CPA6: variants seen among roughly 807,000 people sequenced by gnomAD.
The protein encoded by CPA6 is carboxypeptidase A6, also known as carboxypeptidase B.
In CPA6, 58 loss-of-function variants were observed where a neutral mutation model predicts 63.3. The ratio of observed to expected loss-of-function variants is 0.92; its 90% CI spans 0.74 to 1.14. The LOEUF (loss-of-function observed/expected upper bound fraction) is 1.14, where lower values mean the gene tolerates loss of function less well. CPA6 is among the 50% of genes most tolerant of loss of function. The pLI, the probability that CPA6 is intolerant of heterozygous loss-of-function variation, is 0.00. For synonymous variants in CPA6, 185 were observed against 179.0 expected, an observed-to-expected ratio of 1.03 and a Z score of -0.27; for missense variants, 565 against 526.6, an observed-to-expected ratio of 1.07 and a Z score of -0.71.
rs533142694 is a variant in CPA6 at position 67,428,065 on chromosome 8, G to A, written c.1108C>T (p.Pro370Ser). 8.7e-6 allele frequency: 14 copies of A among 1,611,410 alleles called. No individual in the cohort carries two copies. In the South Asian group the frequency reaches 1.3e-4, roughly 15 times the overall value. ...SVYGVRYRYG[P>S]ASTTLYVSSG... ...AACTTACACAACGTTGTGGAGGCTG[G>A]TCCATATCTGTATCGTACCCCGTAT... The change falls in exon 10 of 11, where the codon CCA becomes TCA. Residue 370 changes from proline to serine, a missense_variant. Coordinates refer to ENST00000297770, the MANE Select transcript of CPA6 (RefSeq NM_020361.5).
chr8:67,427,244 C>G (rs374660355), intron 10 of CPA6, among the ~76,000 whole-genome samples: 2 of 152,072 alleles, frequency 1.3e-5, no homozygotes, highest in African/African-American at 4.8e-5. Context: ...TTTTACATAC[C>G]CCCTATTTAT....
intron 1 of CPA6, among the ~76,000 whole-genome samples, chr8:67,666,174 C>T (rs1209549187): frequency 6.6e-6 from 1 of 152,202 alleles, no homozygotes; most frequent in African/African-American, 2.4e-5. Flanking sequence ...CTTGCTGAGA[C>T]ACAGGTGATG....
intron 1 of CPA6, among the ~76,000 whole-genome samples, chr8:67,631,949 A>G (rs1815343315): frequency 6.6e-6 from 1 of 152,156 alleles, no homozygotes; most frequent in Non-Finnish European, 1.5e-5. Flanking sequence ...ATGTCCGAAC[A>G]TCAGAAGGAA....
chr8:67,528,399 T>G (rs1211824067), intron 2 of CPA6, among the ~76,000 whole-genome samples: 1 of 152,138 alleles, frequency 6.6e-6, no homozygotes, highest in East Asian at 1.9e-4. Context: ...AATGTTGGCG[T>G]TTACCTGAGC....
intron 2 of CPA6, among the ~76,000 whole-genome samples, chr8:67,550,258 G>A (rs1812911563): frequency 6.6e-6 from 1 of 151,996 alleles, no homozygotes; most frequent in Non-Finnish European, 1.5e-5. Flanking sequence ...GTGAGTACTT[G>A]ATGTTTAGCT....
rs148126045 is a variant in CPA6 at position 67,456,861 on chromosome 8, G to A, written c.839-22621C>T. ...GATTTGAATACCGGCAGAAGAGAAG[G>A]CTATGAGACAGCAGAAGAGTGGACA... is the stretch of plus-strand genomic sequence containing the variant. On this transcript the variant is annotated intron_variant, in intron 8 of 10. Coordinates refer to ENST00000297770, the MANE Select transcript of CPA6 (RefSeq NM_020361.5). 3.4e-3 allele frequency among the ~76,000 whole-genome samples: 514 copies of A among 152,304 alleles called. 8 individuals carry two copies. Among genetic ancestry groups the A allele is most frequent in the African/African-American group, 0.011 (465 of 41,556 alleles).
chr8:67,611,844 C>T (rs902558797), intron 2 of CPA6, among the ~76,000 whole-genome samples: 2 of 152,142 alleles, frequency 1.3e-5, no homozygotes, highest in African/African-American at 4.8e-5. Context: ...TCTCACTTTG[C>T]GGTGCATGGA....
intron 1 of CPA6, among the ~76,000 whole-genome samples, chr8:67,717,906 A>G (rs998884396): frequency 6.6e-6 from 1 of 152,170 alleles, no homozygotes; most frequent in African/African-American, 2.4e-5. Flanking sequence ...ATTGTCCCTG[A>G]GAGAGTTCAA....
intron 8 of CPA6, among the ~76,000 whole-genome samples, chr8:67,445,640 G>T (rs1321092830): frequency 6.6e-6 from 1 of 152,100 alleles, no homozygotes; most frequent in Non-Finnish European, 1.5e-5. Flanking sequence ...AAAGATAGAT[G>T]AAATCTAACT....
chr8:67,427,393 T>C (rs764530724), intron 10 of CPA6, among the ~76,000 whole-genome samples: 13 of 152,194 alleles, frequency 8.5e-5, no homozygotes, highest in Admixed American at 2.6e-4. Context: ...TTCACTCTGT[T>C]ATGAAGATCC....
intron 3 of CPA6, among the ~76,000 whole-genome samples, chr8:67,515,021 G>A (rs1812113753): frequency 6.6e-6 from 1 of 152,164 alleles, no homozygotes; most frequent in African/African-American, 2.4e-5. Context: ...GGATGTCACT[G>A]CCATTTGGCA....
chr8:67,632,273 T>C (rs1815358200), intron 1 of CPA6, among the ~76,000 whole-genome samples: 1 of 151,754 alleles, frequency 6.6e-6, no homozygotes, highest in Non-Finnish European at 1.5e-5. Flanking sequence ...TGAGCTCAAG[T>C]GATCCTCCTA....
chr8:67,483,827 T>C lies in CPA6; in HGVS notation c.779A>G (p.Asn260Ser). The change falls in exon 8 of 11, where the codon AAC becomes AGC. Residue 260 changes from asparagine (N) to serine (S), a missense_variant. Asn to Ser is a conservative substitution (Grantham distance 46, BLOSUM62 1). Transcript: ENST00000297770. ...DRFWRKTRSRNSRFRCRGVDA... is the reference protein window; with the variant it reads ...DRFWRKTRSRSSRFRCRGVDA... ...CACTCCACGGCAGCGAAACCTTGAG[T>C]TCCTTGACCTTGTTTTTCTCCAAAA... The C allele has an allele frequency of 6.2e-7, 1 of 1,614,132 alleles. No individual in the cohort carries two copies. Among genetic ancestry groups the C allele is most frequent in the Non-Finnish European group, 8.5e-7 (1 of 1,179,998 alleles).
At chr8:67,680,319 T>C (rs1212378541) in intron 1 of CPA6, among the ~76,000 whole-genome samples, 4 of 152,054 alleles carry the variant, frequency 2.6e-5, no homozygotes, top group South Asian at 4.1e-4. Context: ...CGGGGAAACA[T>C]TGGGAGACCC....
intron 2 of CPA6, among the ~76,000 whole-genome samples, chr8:67,620,706 TG>T (rs1342866043): frequency 6.6e-6 from 1 of 152,146 alleles, no homozygotes; most frequent in East Asian, 1.9e-4. Context: ...AAATTTAAAA[TG>T]ACATCAAGGT....
chr8:67,555,658 G>C (rs1367022492), intron 2 of CPA6, among the ~76,000 whole-genome samples: 1 of 152,128 alleles, frequency 6.6e-6, no homozygotes, highest in Non-Finnish European at 1.5e-5. Context: ...CAGAAGTATG[G>C]GCAGCCTGGG....
At chr8:67,623,481 C>A (rs576047148) in intron 2 of CPA6, among the ~76,000 whole-genome samples, 2 of 151,906 alleles carry the variant, frequency 1.3e-5, no homozygotes, top group East Asian at 3.9e-4. Context: ...CAGAGCAAGA[C>A]CCTGTCTCAA....
intron 1 of CPA6, among the ~76,000 whole-genome samples, chr8:67,727,688 T>G (rs551549156): frequency 7.9e-5 from 12 of 152,308 alleles, no homozygotes; most frequent in Non-Finnish European, 1.6e-4. Context: ...ATCTGCATAA[T>G]AAGACAACTT....
At chr8:67,699,128 G>A (rs572852444) in intron 1 of CPA6, among the ~76,000 whole-genome samples, 13 of 152,096 alleles carry the variant, frequency 8.5e-5, no homozygotes, top group African/African-American at 2.7e-4. Flanking sequence ...AATGAAAAAC[G>A]GGTTACAGGC....
Sources: gnomAD v4.1 joint callset for allele counts (sites outside exome capture counted in the v4.1 genomes callset) on GRCh38, gnomAD v4.1.1 for gene constraint, MANE v1.5 for transcripts, NCBI Gene and HGNC (gene_info 2026-07-23, HGNC 2026-07-21) for gene names.